The following CDH20 variants were observed in gnomAD, a reference collection of about 807,000 sequenced individuals.
CDH20 encodes cadherin 20.
CDH20 carries 29 observed loss-of-function variants against 74.2 expected under a neutral mutation model. That is an observed-to-expected ratio of 0.39 (90% CI 0.29 to 0.53). The LOEUF (loss-of-function observed/expected upper bound fraction) is 0.53, where lower values mean the gene tolerates loss of function less well. Ranked by LOEUF, CDH20 falls within the 20% of genes least tolerant of loss-of-function variation. CDH20 has a pLI of 0.69. For missense variants in CDH20, 988 were observed against 1,048.3 expected, an observed-to-expected ratio of 0.94 and a Z score of 0.79; for synonymous variants, 469 against 405.4, an observed-to-expected ratio of 1.16 and a Z score of -1.88.
chr18:61,355,221 C>A (rs866861564), intron 1 of CDH20, among the ~76,000 whole-genome samples: 2 of 152,114 alleles, frequency 1.3e-5, no homozygotes, highest in Non-Finnish European at 2.9e-5. Flanking sequence ...TCAAATTATT[C>A]TACTGTTTTT....
At chr18:61,465,058 A>C (rs1221497330) in intron 1 of CDH20, among the ~76,000 whole-genome samples, 1 of 152,240 alleles carries the variant, frequency 6.6e-6, no homozygotes, top group Non-Finnish European at 1.5e-5. Flanking sequence ...TGTAATATCA[A>C]ACAACTTCAG....
intron 1 of CDH20, among the ~76,000 whole-genome samples, chr18:61,481,682 C>T (rs1052838978): frequency 6.6e-6 from 1 of 152,206 alleles, no homozygotes. Context: ...TGCCATTGCC[C>T]ATACACATTA....
intron 1 of CDH20, among the ~76,000 whole-genome samples, chr18:61,384,660 G>A (rs920307443): frequency 1.3e-5 from 2 of 152,060 alleles, no homozygotes; most frequent in African/African-American, 4.8e-5. Context: ...GATTCTCTTA[G>A]CATTCATGGC....
intron 1 of CDH20, among the ~76,000 whole-genome samples, chr18:61,467,770 G>A (rs567927016): frequency 1.2e-4 from 19 of 152,248 alleles, no homozygotes; most frequent in East Asian, 3.9e-4. Flanking sequence ...ATTGGAAACC[G>A]TCTGGGCCTC....
chr18:61,380,790 C>G (rs538936361), intron 1 of CDH20, among the ~76,000 whole-genome samples: 46 of 152,138 alleles, frequency 3.0e-4, no homozygotes, highest in African/African-American at 1.0e-3. Context: ...GCCTGGACAA[C>G]AAGAGCGACA....
chr18:61,438,384 C>CTT (rs397751199), intron 1 of CDH20, among the ~76,000 whole-genome samples: 1 of 151,038 alleles, frequency 6.6e-6, no homozygotes, highest in Non-Finnish European at 1.5e-5. Context: ...GTATAACTCT[C>CTT]CCAAACACCT....
intron 1 of CDH20, among the ~76,000 whole-genome samples, chr18:61,385,733 C>A (rs944744287): frequency 6.6e-6 from 1 of 152,016 alleles, no homozygotes; most frequent in African/African-American, 2.4e-5. Context: ...GAGTTTGAGA[C>A]CAGCTGGCCA....
intron 1 of CDH20, among the ~76,000 whole-genome samples, chr18:61,425,346 G>C (rs1279806827): frequency 2.6e-5 from 4 of 152,200 alleles, no homozygotes; most frequent in South Asian, 2.1e-4. Flanking sequence ...AGAAAAGAAA[G>C]TATCCTATAC....
At chr18:61,355,734 C>A (rs1167754920) in intron 1 of CDH20, among the ~76,000 whole-genome samples, 1 of 151,892 alleles carries the variant, frequency 6.6e-6, no homozygotes, top group East Asian at 1.9e-4. Flanking sequence ...ACTGTCAAGC[C>A]CTCAATAAAA....
At chr18:61,440,369 A>T (rs1471396786) in intron 1 of CDH20, among the ~76,000 whole-genome samples, 5 of 152,220 alleles carry the variant, frequency 3.3e-5, no homozygotes, top group Non-Finnish European at 7.3e-5. Flanking sequence ...AGCTAACCTC[A>T]ACGCTATCAG....
chr18:61,548,542 A>G (rs891881283), intron 10 of CDH20, among the ~76,000 whole-genome samples: 19 of 152,230 alleles, frequency 1.2e-4, no homozygotes, highest in South Asian at 1.0e-3. Flanking sequence ...AGCAGAGTGG[A>G]GGAAGAAAAG....
chr18:61,496,637 C>T (rs867842503), intron 2 of CDH20, among the ~76,000 whole-genome samples: 15 of 152,306 alleles, frequency 9.8e-5, no homozygotes, highest in Middle Eastern at 3.4e-3. Flanking sequence ...GCTTAAAGCG[C>T]GCTCACCTGC....
rs754260355 is a variant in CDH20, at chr18:61,545,067, G to A, written c.1571G>A (p.Arg524His). The change falls in exon 10 of 12, where the codon CGC becomes CAC. Residue 524 changes from arginine to histidine, a missense_variant. By Grantham distance (29) the Arg-to-His change is conservative. Coordinates refer to ENST00000262717, the MANE Select transcript of CDH20 (RefSeq NM_031891.4). ...AGTGCGGTGGACCAAGATGACCCAC[G>A]CAATGGTCAGCATTTCTACTACAGC... ...TVSAVDQDDP[R>H]NGQHFYYSLA... 35 of 1,613,776 alleles carry A rather than the reference G, an allele frequency of 2.2e-5. No homozygotes were observed. Among genetic ancestry groups the A allele is most frequent in the East Asian group, 4.5e-5 (2 of 44,872 alleles).
intron 1 of CDH20, among the ~76,000 whole-genome samples, chr18:61,472,604 T>C (rs985266947): frequency 6.6e-6 from 1 of 152,218 alleles, no homozygotes; most frequent in Non-Finnish European, 1.5e-5. Flanking sequence ...CTTTGCCATA[T>C]CTTTACGAAA....
Position 61,514,775 on chromosome 18 carries a change from T to C in CDH20, c.1017+7215T>C, listed in dbSNP as rs530775173. Among the ~76,000 whole-genome samples the C allele has an allele frequency of 2.7e-3, 404 of 152,186 alleles. 1 individual carries two copies. The highest frequency in any genetic ancestry group is 9.2e-3 in the African/African-American group (383 of 41,508). ...TACCCTGCCGTGTGAGGTGTCAGTG[T>C]GCCTCTGCTGGGGGGTGCCTCCCAG... On this transcript the variant is annotated intron_variant, in intron 6 of 11. Transcript: ENST00000262717.
At chr18:61,507,343 A>C (rs1911605515) in intron 5 of CDH20, 30 bp from the exon 6 acceptor site, 1 of 1,598,540 alleles carries the variant, frequency 6.3e-7, no homozygotes, top group Admixed American at 1.7e-5. Flanking sequence ...ACGGATTATC[A>C]AGAATGCGTG....
intron 6 of CDH20, among the ~76,000 whole-genome samples, chr18:61,515,936 T>TA (rs142655279): frequency 0.42 from 23,135 of 54,692 alleles, 2,087 homozygotes; most frequent in East Asian, 0.51. Context: ...AATAATAATT[T>TA]TAAAAAAAAG....
intron 2 of CDH20, among the ~76,000 whole-genome samples, chr18:61,498,903 G>A (rs1469158880): frequency 2.4e-4 from 36 of 152,076 alleles, no homozygotes; most frequent in Admixed American, 2.4e-3. Flanking sequence ...TCACTTTCCA[G>A]AGTTCCTGTT....
intron 1 of CDH20, among the ~76,000 whole-genome samples, chr18:61,482,286 T>C (rs1323038707): frequency 6.6e-6 from 1 of 152,188 alleles, no homozygotes; most frequent in Non-Finnish European, 1.5e-5. Flanking sequence ...AAACCAAATT[T>C]ATCACGTTGG....
Sources: allele counts gnomAD v4.1 joint callset (sites outside exome capture counted in the v4.1 genomes callset), GRCh38; gene constraint gnomAD v4.1.1; transcripts MANE v1.5; gene names NCBI Gene and HGNC (gene_info 2026-07-23, HGNC 2026-07-21).